The following PHIP variants were observed in gnomAD, a reference collection of about 807,000 sequenced individuals.
PHIP encodes the protein PH-interacting protein.
In PHIP, 54 loss-of-function variants were observed where a neutral mutation model predicts 236.8. The observed-to-expected ratio is 0.23, with a 90% CI of 0.18 to 0.29. The LOEUF (loss-of-function observed/expected upper bound fraction) is 0.29. Among genes scored for constraint, PHIP ranks in the 10% least tolerant of loss-of-function variants. The pLI, the probability that PHIP is intolerant of heterozygous loss-of-function variation, is 1.00. For synonymous variants in PHIP, 756 were observed against 718.9 expected (o/e 1.05, Z -0.83); for missense variants, 1,370 against 2,190.8 (o/e 0.63, Z 7.48).
chr6:79,053,769 C>T (rs1772920188), intron 6 of PHIP, among the ~76,000 whole-genome samples: 1 of 152,162 alleles, frequency 6.6e-6, no homozygotes, highest in African/African-American at 2.4e-5. Flanking sequence ...ACCCAATAAT[C>T]ACTCTGGAAA....
Position 79,015,687 on chromosome 6 carries a change from AT to A in PHIP, c.1331del (p.Asn444IlefsTer3). 1 of 1,607,350 alleles carries A rather than the reference AT, an allele frequency of 6.2e-7. No individual in the cohort carries two copies. Among genetic ancestry groups the A allele is most frequent in the African/African-American group, 1.3e-5 (1 of 74,832 alleles). ...RHDNTVITAV[N>X]NMTLKVWNSY... ...AATTCCAAACTTTCAGAGTCATGTT[AT>A]TAACTGCAGTTATAACTGTATTGTC... On this transcript the variant is annotated frameshift_variant, in exon 14 of 40. Coordinates refer to ENST00000275034, the MANE Select transcript of PHIP (RefSeq NM_017934.7). LOFTEE classifies it high-confidence loss of function.
At chr6:78,994,610 A>G (rs1391876896) in intron 19 of PHIP, among the ~76,000 whole-genome samples, 1 of 152,136 alleles carries the variant, frequency 6.6e-6, no homozygotes, top group East Asian at 1.9e-4. Flanking sequence ...CATGAACCTA[A>G]TAAAGCAATG....
At position 78,978,722 on chromosome 6, in the gene PHIP, TTAAG is replaced by T; in HGVS notation, c.2770-15_2770-12del. ...TCCCACAGCCAATCTCTGACAAAAT[TTAAG>T]TAATAATTGTTAAGTAATAATCAAA... is the stretch of plus-strand genomic sequence containing the variant. On this transcript the variant is annotated splice_polypyrimidine_tract_variant and intron_variant, in intron 23 of 39. Coordinates refer to ENST00000275034, the MANE Select transcript of PHIP (RefSeq NM_017934.7). 6.3e-7 allele frequency: 1 copy of T among 1,589,762 alleles called. No homozygotes were observed. Among genetic ancestry groups the T allele is most frequent in the Non-Finnish European group, 8.6e-7 (1 of 1,162,442 alleles).
intron 35 of PHIP, among the ~76,000 whole-genome samples, chr6:78,950,593 C>T (rs1182514512): frequency 1.3e-5 from 2 of 152,112 alleles, no homozygotes; most frequent in East Asian, 1.9e-4. Context: ...CGGTCTATTT[C>T]ATGTAAGTTA....
intron 39 of PHIP, 66 bp downstream of exon 39, chr6:78,945,234 T>C: frequency 8.3e-7 from 1 of 1,208,090 alleles, no homozygotes; most frequent in Non-Finnish European, 1.2e-6. Context: ...TAAATGCTGA[T>C]TCCAACAAAA....
At position 78,963,181 on chromosome 6, in the gene PHIP, G is replaced by T. The variant is rs748430728; in HGVS notation, c.3451C>A (p.Pro1151Thr). The T allele has an allele frequency of 1.9e-6, 3 of 1,611,214 alleles. No individual in the cohort carries two copies. The South Asian group carries it at 3.3e-5, about 18-fold the overall frequency. Residue 1151 changes from proline to threonine, a missense_variant, in exon 30 of 40, where the codon CCT becomes ACT. Transcript: ENST00000275034. ...DGECRSLIYK[P>T]LDGEWGTNPR... ...TTGGTACCCCATTCTCCATCAAGAGGTTTATAGATTAGTGATCTGCACTCA... is the reference window on the plus strand; with the variant it reads ...TTGGTACCCCATTCTCCATCAAGAGTTTTATAGATTAGTGATCTGCACTCA...
intron 27 of PHIP, among the ~76,000 whole-genome samples, chr6:78,969,515 C>A (rs556436705): frequency 1.3e-5 from 2 of 152,264 alleles, no homozygotes; most frequent in East Asian, 3.9e-4. Flanking sequence ...CAAACTTATA[C>A]ATCTTGTTAA....
chr6:79,072,639 A>C lies in PHIP; in HGVS notation c.189+4809T>G, dbSNP rs370223975. Among the ~76,000 whole-genome samples, 126 of 151,524 alleles carry C rather than the reference A, an allele frequency of 8.3e-4. 1 individual carries two copies. Among genetic ancestry groups the C allele is most frequent in the African/African-American group, 2.9e-3 (118 of 41,310 alleles). ...ATTGGGACTACAGGCATGCGCCACT[A>C]CACCTGGCTAATTTTTTTTTTTAGT... On this transcript the variant is annotated intron_variant, in intron 4 of 39. Coordinates refer to ENST00000275034, the MANE Select transcript of PHIP (RefSeq NM_017934.7).
intron 19 of PHIP, among the ~76,000 whole-genome samples, chr6:78,991,927 T>C (rs1339369793): frequency 6.6e-6 from 1 of 151,954 alleles, no homozygotes; most frequent in Non-Finnish European, 1.5e-5. Context: ...ATAACAGCGA[T>C]TATTTGTATC....
At chr6:78,974,772 G>C (rs1156566406) in intron 24 of PHIP, among the ~76,000 whole-genome samples, 2 of 151,794 alleles carry the variant, frequency 1.3e-5, no homozygotes, top group Non-Finnish European at 2.9e-5. Context: ...AGAAAATCTA[G>C]AAGAAATGGA....
chr6:79,052,641 G>C (rs1236779519), intron 6 of PHIP, among the ~76,000 whole-genome samples: 1 of 152,016 alleles, frequency 6.6e-6, no homozygotes, highest in Non-Finnish European at 1.5e-5. Context: ...AAAATCAAAG[G>C]GTTCTGAAAA....
intron 6 of PHIP, among the ~76,000 whole-genome samples, chr6:79,054,572 A>G (rs1772975310): frequency 6.6e-6 from 1 of 151,510 alleles, no homozygotes; most frequent in South Asian, 2.1e-4. Flanking sequence ...AGTGAACAGG[A>G]AAAAAACCCC....
Position 78,963,178 on chromosome 6 carries a change from G to C in PHIP, c.3454C>G (p.Leu1152Val). The C allele has an allele frequency of 6.2e-7, 1 of 1,611,348 alleles. No homozygotes were observed. Among genetic ancestry groups the C allele is most frequent in the Non-Finnish European group, 8.5e-7 (1 of 1,178,702 alleles). ...GGATTGGTACCCCATTCTCCATCAA[G>C]AGGTTTATAGATTAGTGATCTGCAC... ...GECRSLIYKP[L>V]DGEWGTNPRD... The change falls in exon 30 of 40, where the codon CTT (leucine) becomes GTT (valine). Residue 1152 changes from leucine to valine, a missense_variant. This residue lies in a region of PHIP where 238 missense variants were observed against 398.5 expected (regional missense o/e 0.60). Coordinates refer to ENST00000275034, the MANE Select transcript of PHIP (RefSeq NM_017934.7).
intron 19 of PHIP, among the ~76,000 whole-genome samples, chr6:78,992,722 G>A (rs1410886686): frequency 6.6e-6 from 1 of 152,074 alleles, no homozygotes; most frequent in Non-Finnish European, 1.5e-5. Flanking sequence ...GAACTTAACT[G>A]ACAAATGTTA....
intron 23 of PHIP, among the ~76,000 whole-genome samples, chr6:78,979,718 C>A (rs1362822180): frequency 6.6e-6 from 1 of 151,998 alleles, no homozygotes; most frequent in African/African-American, 2.4e-5. Flanking sequence ...TGATTAAAGT[C>A]TTTTGTGAAT....
chr6:78,974,132 C>G (rs1156632374), intron 24 of PHIP, among the ~76,000 whole-genome samples: 8 of 151,762 alleles, frequency 5.3e-5, no homozygotes, highest in Admixed American at 3.3e-4. Flanking sequence ...GGAAGTAAAG[C>G]TCTCCTCAGC....
chr6:79,003,154 C>T (rs1455371905), intron 16 of PHIP, among the ~76,000 whole-genome samples: 1 of 151,990 alleles, frequency 6.6e-6, no homozygotes, highest in South Asian at 2.1e-4. Flanking sequence ...GTGCCACCTG[C>T]AGTTATTTAG....
At position 78,963,228 on chromosome 6, in the gene PHIP, G is replaced by C. The variant is rs372513661; in HGVS notation, c.3404C>G (p.Thr1135Ser). 1 of 1,604,552 alleles carries C rather than the reference G, an allele frequency of 6.2e-7. No individual in the cohort carries two copies. Among genetic ancestry groups the C allele is most frequent in the Non-Finnish European group, 8.5e-7 (1 of 1,176,504 alleles). ...NNAVFPEELG[T>S]SVPLTDGECR... Reference sequence around the variant, plus strand: ...CTCACCATCAGTTAAAGGAACACTGGTACCTAGTTCTTCAGGAAATACAGC... The same window carrying C: ...CTCACCATCAGTTAAAGGAACACTGCTACCTAGTTCTTCAGGAAATACAGC... Residue 1135 changes from threonine (T) to serine (S), a missense_variant, in exon 30 of 40, where the codon ACC (threonine) becomes AGC (serine). By Grantham distance (58) the Thr-to-Ser change is moderately conservative. This residue lies in a region of PHIP where 238 missense variants were observed against 398.5 expected (regional missense o/e 0.60). Coordinates refer to ENST00000275034, the MANE Select transcript of PHIP (RefSeq NM_017934.7).
chr6:79,017,698 A>G, intron 10 of PHIP, 115 bp from the exon 11 acceptor site: 2 of 669,238 alleles, frequency 3.0e-6, no homozygotes, highest in Middle Eastern at 3.5e-4. Context: ...ATTTTACTCC[A>G]AAACCATTCA....
Sources: gnomAD v4.1 joint callset for allele counts (sites outside exome capture counted in the v4.1 genomes callset) on GRCh38, gnomAD v4.1.1 for gene constraint, gnomAD v4.1.1 regional missense constraint, MANE v1.5 for transcripts, NCBI Gene and HGNC (gene_info 2026-07-23, HGNC 2026-07-21) for gene names.